Variants in BACH2 observed in about 807,000 individuals in gnomAD.
BACH2 encodes BACH transcriptional regulator 2.
BACH2 carries 5 observed loss-of-function variants against 61.8 expected under a neutral mutation model. The ratio of observed to expected loss-of-function variants is 0.08; its 90% CI spans 0.04 to 0.17. The LOEUF (loss-of-function observed/expected upper bound fraction) is 0.17. Ranked by LOEUF, BACH2 falls within the 10% of genes least tolerant of loss-of-function variation. The pLI, the probability that BACH2 is intolerant of heterozygous loss-of-function variation, is 1.00. For missense variants in BACH2, 824 were observed against 1,091.1 expected, an observed-to-expected ratio of 0.76 and a Z score of 3.45; for synonymous variants, 446 against 440.1, an observed-to-expected ratio of 1.01 and a Z score of -0.17.
In BACH2 at chr6:90,028,684, C is replaced by G. The variant is rs1778771909; in HGVS notation, c.-12-19828G>C. Among the ~76,000 whole-genome samples, 3 of 152,138 alleles carry G rather than the reference C, an allele frequency of 2.0e-5. No individual in the cohort carries two copies. In the South Asian group the frequency reaches 6.2e-4, roughly 32 times the overall value. On this transcript the variant is annotated intron_variant, in intron 5 of 8. Transcript: ENST00000257749. Reference sequence around the variant, plus strand: ...CACAAACGTGGGAAACAGAATGACTCCTGGAGAATAGTAAGCACCCATTAG... The same window carrying G: ...CACAAACGTGGGAAACAGAATGACTGCTGGAGAATAGTAAGCACCCATTAG...
chr6:90,174,771 T>C (rs1562487579), intron 4 of BACH2, among the ~76,000 whole-genome samples: 2 of 152,110 alleles, frequency 1.3e-5, no homozygotes, highest in Admixed American at 6.5e-5. Context: ...TCAACCTGGA[T>C]AAAACTCAGA....
chr6:90,197,950 C>T (rs191651810), intron 4 of BACH2, among the ~76,000 whole-genome samples: 3 of 152,232 alleles, frequency 2.0e-5, no homozygotes, highest in Admixed American at 6.5e-5. Flanking sequence ...ATGTGCTTTC[C>T]TACAAATGAA....
chr6:90,008,107 A>T lies in BACH2; in HGVS notation c.243+495T>A. The T allele has an allele frequency of 5.9e-6, 1 of 169,408 alleles. No homozygotes were observed. Among genetic ancestry groups the T allele is most frequent in the Non-Finnish European group, 1.3e-5 (1 of 77,728 alleles). 10.5% of individuals were successfully genotyped at this position (169,408 alleles called of 1,614,324 possible). A position where few individuals can be genotyped will look rare whatever the true frequency, so the allele number is the denominator to read the frequency against. ...AAACCTGAGTGGGCTGTTTTCAACA[A>T]CGGTGAGAAAAGCAAGTTTACACTT... On this transcript the variant is annotated intron_variant, in intron 6 of 8. Transcript: ENST00000257749. The surrounding 1 kb of genome is among the most constrained non-coding windows in gnomAD (Gnocchi z 4.1).
chr6:90,043,075 T>C (rs930509551), intron 5 of BACH2, among the ~76,000 whole-genome samples: 18 of 152,204 alleles, frequency 1.2e-4, no homozygotes, highest in Admixed American at 1.3e-4. Flanking sequence ...GAATTTCAGC[T>C]TCTGCAATTA....
At chr6:90,244,210 C>T (rs1327821857) in intron 3 of BACH2, among the ~76,000 whole-genome samples, 3 of 152,242 alleles carry the variant, frequency 2.0e-5, no homozygotes, top group Admixed American at 2.0e-4. Flanking sequence ...GCATGAGCCA[C>T]TGCACCCGGT....
intron 4 of BACH2, among the ~76,000 whole-genome samples, chr6:90,171,694 T>C (rs980120535): frequency 2.6e-5 from 4 of 151,970 alleles, no homozygotes; most frequent in Non-Finnish European, 1.5e-5. Context: ...AAAACAAAAC[T>C]GCAGAATGAA....
At chr6:89,958,639 AC>A (rs1226459346) in intron 6 of BACH2, among the ~76,000 whole-genome samples, 1 of 152,224 alleles carries the variant, frequency 6.6e-6, no homozygotes, top group African/African-American at 2.4e-5. Flanking sequence ...TTACAGTGTC[AC>A]CTGAGTACGT....
chr6:90,024,661 T>G (rs1038199174), intron 5 of BACH2, among the ~76,000 whole-genome samples: 3 of 152,132 alleles, frequency 2.0e-5, no homozygotes, highest in Non-Finnish European at 4.4e-5. Context: ...CTGAGAAGAC[T>G]TTTTAAGGAA....
chr6:89,941,657 C>G (rs1017653332), intron 7 of BACH2, among the ~76,000 whole-genome samples: 3 of 152,184 alleles, frequency 2.0e-5, no homozygotes, highest in Non-Finnish European at 4.4e-5. Context: ...CACGGTGTCT[C>G]CGGAACACAG....
At chr6:90,078,762 C>T (rs1781587002) in intron 5 of BACH2, among the ~76,000 whole-genome samples, 1 of 152,144 alleles carries the variant, frequency 6.6e-6, no homozygotes, top group Non-Finnish European at 1.5e-5. Context: ...ACACCCAGGC[C>T]TAGGAGAGGT....
intron 6 of BACH2, among the ~76,000 whole-genome samples, chr6:89,981,460 G>A (rs1313307587): frequency 6.6e-6 from 1 of 152,098 alleles, no homozygotes; most frequent in Non-Finnish European, 1.5e-5. Context: ...TTTAAACAGA[G>A]TTAAAGAGAG....
chr6:90,121,005 GAC>G (rs1783601036), intron 4 of BACH2, among the ~76,000 whole-genome samples: 1 of 152,150 alleles, frequency 6.6e-6, no homozygotes, highest in Non-Finnish European at 1.5e-5. Flanking sequence ...ATATGATTGA[GAC>G]AACTGTGAAA....
chr6:90,199,835 G>T (rs545232280), intron 4 of BACH2, among the ~76,000 whole-genome samples: 1 of 152,296 alleles, frequency 6.6e-6, no homozygotes, highest in South Asian at 2.1e-4. Flanking sequence ...TAGAAAGTGA[G>T]AATAGAAGTG....
At chr6:90,106,508 A>T (rs745708059) in intron 4 of BACH2, among the ~76,000 whole-genome samples, 7 of 152,218 alleles carry the variant, frequency 4.6e-5, no homozygotes, top group Non-Finnish European at 1.0e-4. Flanking sequence ...ACTATACCAT[A>T]CAGCCTAGCT....
In BACH2 at chr6:90,095,135, G is replaced by A. The variant is rs114870733; in HGVS notation, c.-161-6026C>T. Among the ~76,000 whole-genome samples the A allele has an allele frequency of 5.1e-3, 780 of 152,206 alleles. 16 individuals are homozygous for A. In the South Asian group the frequency reaches 0.06, roughly 12 times the overall value. Reference sequence around the variant, plus strand: ...TATTTATATTCAGAAACACTAAGTGGAGTAGTCGCACGCCATTTTATGGCT... The same window carrying A: ...TATTTATATTCAGAAACACTAAGTGAAGTAGTCGCACGCCATTTTATGGCT... On this transcript the variant is annotated intron_variant, in intron 4 of 8. Transcript: ENST00000257749.
chr6:90,091,334 A>G (rs1782148818), intron 4 of BACH2, among the ~76,000 whole-genome samples: 1 of 152,192 alleles, frequency 6.6e-6, no homozygotes, highest in Non-Finnish European at 1.5e-5. Flanking sequence ...TGAGCACAAT[A>G]GAGAAGTGTG....
intron 4 of BACH2, among the ~76,000 whole-genome samples, chr6:90,201,744 T>C (rs1768963824): frequency 6.6e-6 from 1 of 152,234 alleles, no homozygotes; most frequent in Non-Finnish European, 1.5e-5. Context: ...TAAGATCATT[T>C]AATTTTTAGT....
At chr6:90,183,895 C>T (rs1217703493) in intron 4 of BACH2, among the ~76,000 whole-genome samples, 1 of 152,196 alleles carries the variant, frequency 6.6e-6, no homozygotes, top group Non-Finnish European at 1.5e-5. Flanking sequence ...GTGCCTTAGT[C>T]TACCAAGGAA....
chr6:90,209,173 G>A (rs1294557476), intron 3 of BACH2, among the ~76,000 whole-genome samples: 1 of 152,092 alleles, frequency 6.6e-6, no homozygotes, highest in African/African-American at 2.4e-5. Context: ...TGAATGTTGT[G>A]CACATGTATC....
Sources: gnomAD v4.1 joint callset for allele counts (sites outside exome capture counted in the v4.1 genomes callset) on GRCh38, gnomAD v4.1.1 for gene constraint, Gnocchi (gnomAD v3.1) non-coding constraint, MANE v1.5 for transcripts, NCBI Gene and HGNC (gene_info 2026-07-23, HGNC 2026-07-21) for gene names.